The following ATP2C1 variants were observed in gnomAD, a reference collection of about 807,000 sequenced individuals.
ATP2C1 encodes the protein ATPase secretory pathway Ca2+ transporting 1, also known as calcium-transporting ATPase type 2C member 1.
ATP2C1 carries 31 observed loss-of-function variants against 120.5 expected under a neutral mutation model. That is an observed-to-expected ratio of 0.26 (90% confidence interval 0.19 to 0.35). The LOEUF is 0.35. Among genes scored for constraint, ATP2C1 ranks in the 10% least tolerant of loss-of-function variants. The pLI is 1.00. For synonymous variants in ATP2C1, 351 were observed against 358.7 expected, an observed-to-expected ratio of 0.98 and a Z score of 0.24; for missense variants, 731 against 1,107.5, an observed-to-expected ratio of 0.66 and a Z score of 4.83.
At chr3:130,930,025 G>C (rs2059386524) in intron 2 of ATP2C1, 1 of 337,420 alleles carries the variant, frequency 3.0e-6, no homozygotes, top group East Asian at 7.9e-5. Context: ...AGTTAAAATG[G>C]AGAAAGCTTA....
intron 1 of ATP2C1, among the ~76,000 whole-genome samples, chr3:130,859,117 C>A (rs1433192839): frequency 6.6e-6 from 1 of 152,042 alleles, no homozygotes; most frequent in African/African-American, 2.4e-5. Context: ...GTATAATAGG[C>A]AATAGAGAGA....
rs80246483 is a variant in ATP2C1, at chr3:130,964,366, A to T, written c.1024+271A>T. On this transcript the variant is annotated intron_variant, in intron 13 of 27. Coordinates refer to ENST00000510168, the MANE Select transcript of ATP2C1 (RefSeq NM_001378687.1). ...TACAACAACTGAAATCTTGGAGTAA[A>T]ATTAATAGAATTTTTTTCTTGTGAC... Among the ~76,000 whole-genome samples, 1,244 of 152,160 alleles carry T rather than the reference A, an allele frequency of 8.2e-3. 15 individuals carry two copies. Among genetic ancestry groups the T allele is most frequent in the African/African-American group, 0.028 (1,179 of 41,528 alleles).
chr3:130,983,438 ACT>A (rs2061861318), intron 20 of ATP2C1, among the ~76,000 whole-genome samples: 1 of 152,212 alleles, frequency 6.6e-6, no homozygotes, highest in Admixed American at 6.5e-5. Context: ...AGACTGCATT[ACT>A]GTAGTATATT....
chr3:130,880,600 G>A (rs1431823092), intron 1 of ATP2C1, among the ~76,000 whole-genome samples: 1 of 152,156 alleles, frequency 6.6e-6, no homozygotes, highest in African/African-American at 2.4e-5. Context: ...CAATTTGCTT[G>A]TGTTGCAAAA....
intron 26 of ATP2C1, among the ~76,000 whole-genome samples, chr3:130,998,924 C>CT (rs2062759272): frequency 6.6e-6 from 1 of 152,054 alleles, no homozygotes; most frequent in Non-Finnish European, 1.5e-5. Context: ...CTTTATGGTA[C>CT]TTTTTTAGAG....
chr3:130,907,171 A>G (rs2058167850), intron 2 of ATP2C1, among the ~76,000 whole-genome samples: 1 of 152,046 alleles, frequency 6.6e-6, no homozygotes, highest in Admixed American at 6.6e-5. Context: ...ATGTTTACCT[A>G]AGAGTGTTCA....
chr3:130,952,419 G>A (rs1409056663), intron 8 of ATP2C1, among the ~76,000 whole-genome samples: 2 of 152,128 alleles, frequency 1.3e-5, no homozygotes, highest in Non-Finnish European at 2.9e-5. Flanking sequence ...ATCATTTTAC[G>A]TGAGGTTATT....
intron 17 of ATP2C1, among the ~76,000 whole-genome samples, chr3:130,975,097 T>A (rs1249353349): frequency 1.3e-5 from 2 of 152,164 alleles, no homozygotes; most frequent in Non-Finnish European, 2.9e-5. Flanking sequence ...AATTTGGGGC[T>A]TAGTATAGCA....
chr3:130,922,510 GGTTT>G (rs1200267979), intron 2 of ATP2C1, among the ~76,000 whole-genome samples: 3 of 151,754 alleles, frequency 2.0e-5, no homozygotes, highest in African/African-American at 7.3e-5. Flanking sequence ...GCTTAGGTTT[GGTTT>G]GTTCTTGTTC....
At chr3:130,922,897 T>C (rs954208669) in intron 2 of ATP2C1, among the ~76,000 whole-genome samples, 5 of 152,216 alleles carry the variant, frequency 3.3e-5, no homozygotes, top group African/African-American at 7.2e-5. Context: ...TCTTGGAGAA[T>C]GTTCCATCTG....
intron 10 of ATP2C1, among the ~76,000 whole-genome samples, chr3:130,955,498 T>C (rs2060540908): frequency 6.6e-6 from 1 of 152,204 alleles, no homozygotes; most frequent in Non-Finnish European, 1.5e-5. Context: ...CTACAAGATA[T>C]TCTCGGCTAA....
chr3:130,967,755 A>G (rs1479998891), intron 16 of ATP2C1, among the ~76,000 whole-genome samples: 3 of 152,226 alleles, frequency 2.0e-5, no homozygotes, highest in Admixed American at 1.3e-4. Flanking sequence ...TAACTTTTGA[A>G]TGAATAAAAG....
chr3:130,894,218 G>C lies in ATP2C1; in HGVS notation c.-300G>C. ...TCGCTTCTTCTCACGCCGGGAGCAG[G>C]CTCCCGCCTCGCACCGCTGCCCCGC... On this transcript the variant is annotated 5_prime_UTR_variant, in exon 1 of 28. Coordinates refer to ENST00000510168, the MANE Select transcript of ATP2C1 (RefSeq NM_001378687.1). The surrounding 1 kb of genome is among the most constrained non-coding windows in gnomAD (Gnocchi z 4.5). The C allele has an allele frequency of 1.0e-6, 1 of 984,646 alleles. No individual in the cohort carries two copies. The highest frequency in any genetic ancestry group is 1.2e-6 in the Non-Finnish European group (1 of 829,610). The allele number at this position is 984,646 out of a possible 1,614,324, so 61.0% of individuals were successfully genotyped here.
At chr3:130,956,357 C>T (rs1215006156) in intron 11 of ATP2C1, among the ~76,000 whole-genome samples, 178 bp downstream of exon 11, 1 of 152,036 alleles carries the variant, frequency 6.6e-6, no homozygotes, top group African/African-American at 2.4e-5. Context: ...AAATAGAACT[C>T]TGATTCTTGT....
At position 131,001,351 on chromosome 3, in the gene ATP2C1, T is replaced by C; in HGVS notation, c.*1T>C. 1 of 1,612,936 alleles carries C rather than the reference T, an allele frequency of 6.2e-7. No individual in the cohort carries two copies. The highest frequency in any genetic ancestry group is 1.3e-5 in the African/African-American group (1 of 75,020). On this transcript the variant is annotated 3_prime_UTR_variant, in exon 28 of 28. Transcript: ENST00000510168. ...ATCATCATCTTTTCTTGAAGTATGATGCATATTGCATTATTTTATTTGCAA... is the reference window on the plus strand; with the variant it reads ...ATCATCATCTTTTCTTGAAGTATGACGCATATTGCATTATTTTATTTGCAA...
chr3:130,900,972 A>T (rs922047049), intron 2 of ATP2C1, among the ~76,000 whole-genome samples: 1 of 152,108 alleles, frequency 6.6e-6, no homozygotes, highest in Non-Finnish European at 1.5e-5. Context: ...ACCTGCCTTC[A>T]TCTAGGTTTC....
chr3:130,961,335 C>G (rs2060811171), intron 12 of ATP2C1, among the ~76,000 whole-genome samples: 1 of 151,050 alleles, frequency 6.6e-6, no homozygotes, highest in African/African-American at 2.4e-5. Flanking sequence ...GGACAAGATA[C>G]TTAAAAATTT....
intron 23 of ATP2C1, among the ~76,000 whole-genome samples, 191 bp from the exon 24 acceptor site, chr3:130,996,489 A>G (rs1003879992): frequency 6.6e-6 from 1 of 152,216 alleles, no homozygotes; most frequent in East Asian, 1.9e-4. Flanking sequence ...CCTGTTGTCT[A>G]AACATCTTGA....
Position 130,921,792 on chromosome 3 carries a change from T to C in ATP2C1, c.7-8624T>C, listed in dbSNP as rs2058978666. ...ATCATCCTTGCATCACAAGGGTCAG[T>C]AGATTTCCCTGGTATGAAACCCACT... On this transcript the variant is annotated intron_variant, in intron 2 of 27. Coordinates refer to ENST00000510168, the MANE Select transcript of ATP2C1 (RefSeq NM_001378687.1). 1.3e-5 allele frequency among the ~76,000 whole-genome samples: 2 copies of C among 152,202 alleles called. 1 individual carries two copies. Among genetic ancestry groups the C allele is most frequent in the South Asian group, 4.1e-4 (2 of 4,834 alleles).
Sources: allele counts gnomAD v4.1 joint callset (sites outside exome capture counted in the v4.1 genomes callset), GRCh38; gene constraint gnomAD v4.1.1; non-coding constraint Gnocchi (gnomAD v3.1); transcripts MANE v1.5; gene names NCBI Gene and HGNC (gene_info 2026-07-23, HGNC 2026-07-21).